ARAP2: variants seen among roughly 807,000 people sequenced by gnomAD.
The protein encoded by ARAP2 is ArfGAP with RhoGAP domain, ankyrin repeat and PH domain 2.
A neutral mutation model predicts 194.5 loss-of-function variants in ARAP2; 148 were observed. That is an observed-to-expected ratio of 0.76 (90% CI 0.67 to 0.87). ARAP2 has a LOEUF of 0.87. Among genes scored for constraint, ARAP2 ranks in the 40% least tolerant of loss-of-function variants. ARAP2 has a pLI of 0.00. For missense variants in ARAP2, 2,128 were observed against 1,989.7 expected (o/e 1.07, Z -1.32); for synonymous variants, 695 against 683.5 (o/e 1.02, Z -0.26).
intron 8 of ARAP2, among the ~76,000 whole-genome samples, chr4:36,181,833 A>G (rs1739336566): frequency 6.6e-6 from 1 of 152,210 alleles, no homozygotes; most frequent in Admixed American, 6.5e-5. Flanking sequence ...AATATACATT[A>G]CACAGTGGCA....
At chr4:36,210,173 C>A (rs966969999) in intron 6 of ARAP2, among the ~76,000 whole-genome samples, 3 of 152,098 alleles carry the variant, frequency 2.0e-5, no homozygotes, top group African/African-American at 7.2e-5. Flanking sequence ...TAATTTGCGA[C>A]TCTGGACCTT....
chr4:36,169,619 C>T (rs113053753), intron 9 of ARAP2, among the ~76,000 whole-genome samples: 12 of 152,068 alleles, frequency 7.9e-5, no homozygotes, highest in African/African-American at 2.4e-4. Context: ...CAACCTCGGC[C>T]CCCCCAGGTT....
At chr4:36,104,488 C>T (rs1717857078) in intron 27 of ARAP2, among the ~76,000 whole-genome samples, 1 of 151,794 alleles carries the variant, frequency 6.6e-6, no homozygotes, top group Non-Finnish European at 1.5e-5. Context: ...AGACATTTTC[C>T]AAGACAAAAA....
chr4:36,006,797 C>T (rs1713369703), intron 10 of ARAP2: 1 of 152,052 alleles, frequency 6.6e-6, no homozygotes, highest in Non-Finnish European at 1.5e-5. Flanking sequence ...TTTTATATAA[C>T]ATATACAAGC....
In ARAP2 at chr4:36,019,001, T is replaced by C. The variant is rs140012109; in HGVS notation, n.750+143A>G. 6.4e-5 allele frequency: 9 copies of C among 140,160 alleles called. No individual in the cohort carries two copies. The East Asian group carries it at 1.7e-3, about 27-fold the overall frequency. 8.7% of individuals were successfully genotyped at this position (140,160 alleles called of 1,614,324 possible). On this transcript the variant is annotated intron_variant and non_coding_transcript_variant, in intron 6 of 12. Coordinates refer to the ARAP2 transcript ENST00000503225. The stretch of plus-strand genomic sequence containing the variant: ...AGCTTGGAATTTGGGGTAAGAGAAA[T>C]AAATTCTGTCTTTTAGGAAACCATT...
rs538140878 is a variant in ARAP2, at chr4:36,106,234, A to C, written c.4285+1331T>G. ...GCATTCATACATGTGCATTCACATC[A>C]GTACAGAGAAATCCTATTGCAAACA... On this transcript the variant is annotated intron_variant, in intron 27 of 32. Transcript: ENST00000303965. Among the ~76,000 whole-genome samples, 6 of 152,112 alleles carry C rather than the reference A, an allele frequency of 3.9e-5. No individual in the cohort carries two copies. In the East Asian group the frequency reaches 5.8e-4, roughly 15 times the overall value.
At chr4:36,097,341 T>C (rs907294551) in intron 27 of ARAP2, among the ~76,000 whole-genome samples, 2 of 152,064 alleles carry the variant, frequency 1.3e-5, no homozygotes, top group Admixed American at 1.3e-4. Context: ...TTTAAAAGAC[T>C]TTCTAAAAGC....
At chr4:36,231,784 T>C (rs746987515) in intron 1 of ARAP2, among the ~76,000 whole-genome samples, 7 of 152,120 alleles carry the variant, frequency 4.6e-5, no homozygotes, top group Non-Finnish European at 1.0e-4. Context: ...CTTTGTATTA[T>C]CCACCACACT....
At position 36,165,012 on chromosome 4, in the gene ARAP2, C is replaced by A. The variant is rs371065895; in HGVS notation, c.2075G>T (p.Trp692Leu). ...LSDYEVAEKI[W>L]FNESNRSCAD... ...ACAGCTCCTGTTGGATTCATTGAAC[C>A]AAATCTTCTCAGCTACTTCATAATC... Residue 692 changes from tryptophan to leucine, a missense_variant, in exon 11 of 33, where the codon TGG becomes TTG. Physicochemically the swap from Trp to Leu is moderately conservative, Grantham distance 61. Transcript: ENST00000303965. The A allele has an allele frequency of 1.5e-5, 25 of 1,614,084 alleles. No homozygotes were observed. The highest frequency in any genetic ancestry group is 5.5e-5 in the South Asian group (5 of 91,076).
Position 36,068,596 on chromosome 4 carries a change from C to T in ARAP2, c.4744-318G>A, listed in dbSNP as rs80068767. Among the ~76,000 whole-genome samples the T allele has an allele frequency of 4.5e-3, 690 of 152,210 alleles. 17 individuals are homozygous for T. The East Asian group carries it at 0.047, about 10-fold the overall frequency. Reference sequence around the variant, plus strand: ...TCGATCTTTTCCCCGGTTAGTGATGCGCGGTAGGACACTCTCTCGTGATGA... The same window carrying T: ...TCGATCTTTTCCCCGGTTAGTGATGTGCGGTAGGACACTCTCTCGTGATGA... On this transcript the variant is annotated intron_variant, in intron 32 of 32. Transcript: ENST00000303965.
At chr4:36,097,294 A>T (rs550374296) in intron 27 of ARAP2, among the ~76,000 whole-genome samples, 1 of 152,210 alleles carries the variant, frequency 6.6e-6, no homozygotes, top group South Asian at 2.1e-4. Context: ...GAGCAAAAAA[A>T]ACTTTGAAAT....
intron 5 of ARAP2, among the ~76,000 whole-genome samples, chr4:36,021,461 CA>C (rs1716929553): frequency 6.6e-6 from 1 of 152,124 alleles, no homozygotes; most frequent in South Asian, 2.1e-4. Flanking sequence ...ACTGTTATCA[CA>C]ATAGCAAATG....
chr4:36,223,662 G>A (rs927002533), intron 2 of ARAP2, among the ~76,000 whole-genome samples: 4 of 151,988 alleles, frequency 2.6e-5, no homozygotes, highest in African/African-American at 9.7e-5. Flanking sequence ...CAGTCATAAG[G>A]GTGGGGCCCT....
At chr4:36,020,564 G>T (rs1178139883) in intron 5 of ARAP2, among the ~76,000 whole-genome samples, 1 of 152,182 alleles carries the variant, frequency 6.6e-6, no homozygotes. Flanking sequence ...GGGATGGAGT[G>T]GATGGCATGA....
At chr4:36,050,901 A>C (rs1302942788) in intron 3 of ARAP2, among the ~76,000 whole-genome samples, 1 of 152,222 alleles carries the variant, frequency 6.6e-6, no homozygotes, top group Admixed American at 6.5e-5. Context: ...TCCATCACTG[A>C]AATCTGACTT....
At chr4:36,059,842 T>C (rs1379984095) in intron 1 of ARAP2, among the ~76,000 whole-genome samples, 1 of 152,134 alleles carries the variant, frequency 6.6e-6, no homozygotes, top group Non-Finnish European at 1.5e-5. Context: ...AAACTGGTCA[T>C]TACAGTCATG....
At position 36,210,401 on chromosome 4, in the gene ARAP2, G is replaced by A. The variant is rs1196409668; in HGVS notation, c.1476C>T (p.Leu492=). 1.9e-6 allele frequency: 3 copies of A among 1,610,160 alleles called. No individual in the cohort carries two copies. In the African/African-American group the frequency reaches 4.0e-5, roughly 22 times the overall value. The change falls in exon 6 of 33, where the codon CTC becomes CTT. Residue 492 remains leucine, a synonymous_variant. Coordinates refer to ENST00000303965, the MANE Select transcript of ARAP2 (RefSeq NM_015230.4). ...GCATACGTACATACCCTTGAGGAGA[G>A]AGTTTATCCAGCCATCCTGATTTAA... ...KKVKSGWLDK[L]SPQGKRMFQK...
chr4:36,122,596 C>A (rs1367569575), intron 22 of ARAP2, among the ~76,000 whole-genome samples: 1 of 151,362 alleles, frequency 6.6e-6, no homozygotes, highest in African/African-American at 2.4e-5. Flanking sequence ...TACACTGGGG[C>A]CTAATGGAGG....
intron 27 of ARAP2, among the ~76,000 whole-genome samples, chr4:36,095,967 T>C (rs993244797): frequency 6.6e-6 from 1 of 152,120 alleles, no homozygotes; most frequent in African/African-American, 2.4e-5. Flanking sequence ...GGCAGAACAC[T>C]GTATCAGGTC....
Sources: gnomAD v4.1 joint callset for allele counts (sites outside exome capture counted in the v4.1 genomes callset) on GRCh38, gnomAD v4.1.1 for gene constraint, MANE v1.5 for transcripts, NCBI Gene and HGNC (gene_info 2026-07-23, HGNC 2026-07-21) for gene names.